SOX30: variants seen among roughly 807,000 people sequenced by gnomAD.
SOX30 encodes the protein SRY-box transcription factor 30.
A neutral mutation model predicts 58.6 loss-of-function variants in SOX30; 17 were observed. The ratio of observed to expected loss-of-function variants is 0.29; its 90% CI spans 0.20 to 0.44. The LOEUF is 0.44. SOX30 is among the 20% of genes least tolerant of loss of function. SOX30 has a pLI of 1.00. For missense variants in SOX30, 951 were observed against 965.8 expected, an observed-to-expected ratio of 0.98 and a Z score of 0.20; for synonymous variants, 421 against 400.2, an observed-to-expected ratio of 1.05 and a Z score of -0.62.
intron 1 of SOX30, among the ~76,000 whole-genome samples, chr5:157,670,963 T>C (rs77052340): frequency 0.012 from 1,795 of 152,218 alleles, 38 homozygotes; most frequent in African/African-American, 0.041. Flanking sequence ...GCACCACTTA[T>C]AGGGGTGGGC....
intron 4 of SOX30, among the ~76,000 whole-genome samples, chr5:157,631,452 T>C (rs965987270): frequency 1.1e-4 from 16 of 152,150 alleles, no homozygotes; most frequent in Non-Finnish European, 2.1e-4. Context: ...AAGTTGGTCC[T>C]TTCAGGTCTT....
chr5:157,634,681 C>G (rs1758884441), intron 4 of SOX30, among the ~76,000 whole-genome samples: 1 of 151,650 alleles, frequency 6.6e-6, no homozygotes, highest in Non-Finnish European at 1.5e-5. Context: ...TAGTTTCACT[C>G]TTGTTGCCCA....
intron 3 of SOX30, among the ~76,000 whole-genome samples, chr5:157,644,202 C>T (rs1209207373): frequency 1.3e-5 from 2 of 152,014 alleles, no homozygotes; most frequent in African/African-American, 4.8e-5. Context: ...GCTATGTTGC[C>T]CAGGCTAGTC....
intron 4 of SOX30, among the ~76,000 whole-genome samples, chr5:157,633,941 C>T (rs1157143222): frequency 6.6e-6 from 1 of 151,928 alleles, no homozygotes; most frequent in Non-Finnish European, 1.5e-5. Flanking sequence ...ATGTGAAAGC[C>T]CAATATACTG....
intron 3 of SOX30, among the ~76,000 whole-genome samples, chr5:157,644,900 G>C (rs1327383745): frequency 1.3e-5 from 2 of 152,184 alleles, no homozygotes; most frequent in African/African-American, 4.8e-5. Flanking sequence ...AGAACTGCTT[G>C]AACCCAGGCG....
At chr5:157,634,571 G>A (rs1243434810) in intron 4 of SOX30, among the ~76,000 whole-genome samples, 5 of 151,982 alleles carry the variant, frequency 3.3e-5, no homozygotes, top group Non-Finnish European at 7.4e-5. Context: ...CACAAAATAT[G>A]TATATATAAG....
chr5:157,629,658 A>G (rs1048601042), intron 4 of SOX30, among the ~76,000 whole-genome samples: 4 of 152,300 alleles, frequency 2.6e-5, no homozygotes, highest in Middle Eastern at 3.4e-3. Flanking sequence ...ATATGTAAGC[A>G]TTTACTATTT....
intron 2 of SOX30, among the ~76,000 whole-genome samples, chr5:157,664,750 T>G (rs551471992): frequency 1.3e-5 from 2 of 151,976 alleles, no homozygotes; most frequent in Non-Finnish European, 2.9e-5. Context: ...TAAACAAATT[T>G]ACAAGAAAAA....
intron 4 of SOX30, among the ~76,000 whole-genome samples, chr5:157,629,641 T>A (rs1208893175): frequency 2.0e-5 from 3 of 152,184 alleles, no homozygotes; most frequent in African/African-American, 7.2e-5. Flanking sequence ...AATAATAATA[T>A]TATCCAATAT....
At chr5:157,634,371 G>A (rs1045892186) in intron 4 of SOX30, among the ~76,000 whole-genome samples, 5 of 151,916 alleles carry the variant, frequency 3.3e-5, no homozygotes, top group African/African-American at 7.3e-5. Context: ...ATGCCACCAC[G>A]ACCAGCTAAT....
At chr5:157,631,802 T>C (rs1758816892) in intron 4 of SOX30, among the ~76,000 whole-genome samples, 1 of 146,258 alleles carries the variant, frequency 6.8e-6, no homozygotes, top group East Asian at 2.0e-4. Flanking sequence ...CAATGGCTCA[T>C]GCCTGTTAAT....
At chr5:157,627,993 CAA>C (rs1169422272) in intron 4 of SOX30, among the ~76,000 whole-genome samples, 7 of 108,814 alleles carry the variant, frequency 6.4e-5, no homozygotes, top group Admixed American at 2.0e-4. Context: ...GACTCCATCT[CAA>C]AAAAAAAAAA....
In SOX30 at chr5:157,651,837, A is replaced by T. The variant is rs1179292123; in HGVS notation, c.242T>A (p.Leu81Gln). ...LQVKPEQVLL[L>Q]PQPQAQNEEA... Reference sequence around the variant, plus strand: ...CTCGTTCTGGGCCTGAGGCTGTGGTAGCAGCAACACCTGCTCTGGCTTCAC... The same window carrying T: ...CTCGTTCTGGGCCTGAGGCTGTGGTTGCAGCAACACCTGCTCTGGCTTCAC... The change falls in exon 1 of 5, where the codon CTA (leucine) becomes CAA (glutamine). Residue 81 changes from leucine to glutamine, a missense_variant. Coordinates refer to ENST00000265007, the MANE Select transcript of SOX30 (RefSeq NM_178424.2). 2 of 1,586,064 alleles carry T rather than the reference A, an allele frequency of 1.3e-6. No individual in the cohort carries two copies. Among genetic ancestry groups the T allele is most frequent in the Admixed American group, 1.8e-5 (1 of 57,132 alleles).
At chr5:157,667,761 C>A in intron 2 of SOX30, 1 of 1,032,144 alleles carries the variant, frequency 9.7e-7, no homozygotes, top group Non-Finnish European at 1.2e-6. Flanking sequence ...TACATACATA[C>A]ATACACACAC....
chr5:157,645,164 A>T (rs1476045620), intron 3 of SOX30, among the ~76,000 whole-genome samples: 2 of 152,138 alleles, frequency 1.3e-5, no homozygotes, highest in Non-Finnish European at 2.9e-5. Context: ...GAGTCTAGAC[A>T]TCTGGAATGT....
At chr5:157,664,988 A>G (rs1759644848) in intron 2 of SOX30, among the ~76,000 whole-genome samples, 1 of 152,248 alleles carries the variant, frequency 6.6e-6, no homozygotes, top group Non-Finnish European at 1.5e-5. Flanking sequence ...GAACACTTTT[A>G]CACTGTTGGT....
intron 2 of SOX30, among the ~76,000 whole-genome samples, chr5:157,659,328 C>T (rs1473288448): frequency 1.3e-5 from 2 of 152,150 alleles, no homozygotes; most frequent in Non-Finnish European, 2.9e-5. Context: ...TGCAGATATT[C>T]CCAGTAAGTG....
chr5:157,640,752 T>C lies in SOX30; in HGVS notation c.1388-2030A>G, dbSNP rs1759042214. 3.9e-5 allele frequency among the ~76,000 whole-genome samples: 6 copies of C among 152,106 alleles called. No individual in the cohort carries two copies. In the South Asian group the frequency reaches 1.2e-3, roughly 32 times the overall value. On this transcript the variant is annotated intron_variant, in intron 3 of 4. Transcript: ENST00000265007. Reference sequence around the variant, plus strand: ...GATTGTAATATTAAAATCTCTAGGATTGAAATACTAAAATCTCCGCCCAGG... The same window carrying C: ...GATTGTAATATTAAAATCTCTAGGACTGAAATACTAAAATCTCCGCCCAGG...
upstream of SOX30, among the ~76,000 whole-genome samples, chr5:157,654,164 C>CAA (rs1168643558): frequency 2.0e-4 from 16 of 78,630 alleles, no homozygotes; most frequent in Non-Finnish European, 3.3e-4. Flanking sequence ...GACCCTGTCT[C>CAA]AAAAAAAAAA....
Sources: allele counts gnomAD v4.1 joint callset (sites outside exome capture counted in the v4.1 genomes callset), GRCh38; gene constraint gnomAD v4.1.1; transcripts MANE v1.5; gene names NCBI Gene and HGNC (gene_info 2026-07-23, HGNC 2026-07-21).